Variants in MAN1A2 observed in about 807,000 individuals in gnomAD.
MAN1A2 encodes the protein mannosyl-oligosaccharide 1,2-alpha-mannosidase IB.
A neutral mutation model predicts 75.7 loss-of-function variants in MAN1A2; 26 were observed. The observed-to-expected ratio is 0.34, with a 90% CI of 0.25 to 0.48. The LOEUF is 0.48. Ranked by LOEUF, MAN1A2 falls within the 20% of genes least tolerant of loss-of-function variation. MAN1A2 has a pLI of 0.99. For missense variants in MAN1A2, 562 were observed against 775.5 expected, an observed-to-expected ratio of 0.72 and a Z score of 3.27; for synonymous variants, 247 against 264.6, an observed-to-expected ratio of 0.93 and a Z score of 0.65.
chr1:117,502,928 A>G lies in MAN1A2; in HGVS notation c.1751A>G (p.His584Arg). 2 of 1,607,180 alleles carry G rather than the reference A, an allele frequency of 1.2e-6. No homozygotes were observed. The highest frequency in any genetic ancestry group is 1.1e-5 in the South Asian group (1 of 90,576). The change falls in exon 12 of 13, where the codon CAT (histidine) becomes CGT (arginine). Residue 584 changes from histidine (H) to arginine (R), a missense_variant. Physicochemically the swap from His to Arg is conservative, Grantham distance 29 (BLOSUM62 0). Transcript: ENST00000356554. ...VKDVYSSTPT[H>R]DDVQQSFFLA... ...GATGTATATTCCTCTACTCCTACAC[A>G]TGATGATGTACAGCAGAGCTTTTTT... is the stretch of plus-strand genomic sequence containing the variant.
intron 9 of MAN1A2, 70 bp from the exon 10 acceptor site, chr1:117,496,693 A>G (rs1010456160): frequency 3.6e-6 from 4 of 1,122,356 alleles, no homozygotes; most frequent in African/African-American, 3.1e-5. Context: ...TATAATGGCC[A>G]GAAGGATATA....
chr1:117,417,352 T>C (rs556682608), intron 4 of MAN1A2, among the ~76,000 whole-genome samples: 1 of 151,818 alleles, frequency 6.6e-6, no homozygotes, highest in East Asian at 1.9e-4. Context: ...TTTACTATGA[T>C]AACATATTTG....
intron 7 of MAN1A2, among the ~76,000 whole-genome samples, chr1:117,463,280 C>T (rs1390254756): frequency 6.6e-6 from 1 of 152,022 alleles, no homozygotes; most frequent in Admixed American, 6.6e-5. Flanking sequence ...AGACATAAGT[C>T]TGCTTCCTAC....
chr1:117,416,808 T>C (rs1648008713), intron 4 of MAN1A2, among the ~76,000 whole-genome samples: 1 of 152,138 alleles, frequency 6.6e-6, no homozygotes, highest in South Asian at 2.1e-4. Context: ...GTGTTACTGG[T>C]ACCTCAGGAA....
At chr1:117,439,324 C>G (rs1648950020) in intron 5 of MAN1A2, among the ~76,000 whole-genome samples, 1 of 152,122 alleles carries the variant, frequency 6.6e-6, no homozygotes, top group South Asian at 2.1e-4. Flanking sequence ...CTGTTGACTT[C>G]TATTTAACAC....
At chr1:117,461,314 T>G (rs1276870042) in intron 7 of MAN1A2, among the ~76,000 whole-genome samples, 2 of 152,122 alleles carry the variant, frequency 1.3e-5, no homozygotes, top group Non-Finnish European at 2.9e-5. Flanking sequence ...AAGACACGTA[T>G]TATGTGTTCT....
chr1:117,376,075 CTATTTTTTG>C (rs1653128749), intron 1 of MAN1A2, among the ~76,000 whole-genome samples: 1 of 152,062 alleles, frequency 6.6e-6, no homozygotes, highest in Non-Finnish European at 1.5e-5. Context: ...CCACGCCCGG[CTATTTTTTG>C]TATTTTTTGT....
intron 5 of MAN1A2, among the ~76,000 whole-genome samples, chr1:117,440,465 C>T (rs961525519): frequency 1.3e-5 from 2 of 151,742 alleles, no homozygotes; most frequent in African/African-American, 2.4e-5. Context: ...TTGCAGTTGC[C>T]TACCAAAATA....
At chr1:117,417,689 T>TGC (rs1290804486) in intron 4 of MAN1A2, among the ~76,000 whole-genome samples, 8 of 110,476 alleles carry the variant, frequency 7.2e-5, no homozygotes, top group African/African-American at 1.9e-4. Flanking sequence ...AAAGTAGGCG[T>TGC]GCACACACAC....
At chr1:117,498,589 G>A (rs1651105091) in intron 10 of MAN1A2, among the ~76,000 whole-genome samples, 1 of 151,860 alleles carries the variant, frequency 6.6e-6, no homozygotes, top group African/African-American at 2.4e-5. Context: ...CATTGCTGAT[G>A]CTGATTCTTG....
intron 6 of MAN1A2, among the ~76,000 whole-genome samples, chr1:117,451,828 G>T (rs573251536): frequency 1.3e-5 from 2 of 152,190 alleles, no homozygotes; most frequent in Non-Finnish European, 2.9e-5. Context: ...TATCAGCAGT[G>T]TGAAAATGGA....
At chr1:117,421,041 G>C (rs570750078) in intron 5 of MAN1A2, among the ~76,000 whole-genome samples, 1 of 152,116 alleles carries the variant, frequency 6.6e-6, no homozygotes, top group South Asian at 2.1e-4. Flanking sequence ...CAAACTTACT[G>C]TTTAGAAATT....
chr1:117,470,805 T>C (rs1361869728), intron 8 of MAN1A2, among the ~76,000 whole-genome samples: 1 of 151,994 alleles, frequency 6.6e-6, no homozygotes, highest in Non-Finnish European at 1.5e-5. Context: ...ATCTGTCATA[T>C]TTATAAATAG....
intron 8 of MAN1A2, among the ~76,000 whole-genome samples, chr1:117,484,288 T>A (rs185520063): frequency 3.9e-5 from 6 of 152,026 alleles, no homozygotes; most frequent in Non-Finnish European, 7.4e-5. Context: ...TAAATTTATG[T>A]TGTCTGTTTA....
At chr1:117,377,691 G>A (rs1407409922) in intron 1 of MAN1A2, among the ~76,000 whole-genome samples, 1 of 149,106 alleles carries the variant, frequency 6.7e-6, no homozygotes, top group Admixed American at 6.6e-5. Context: ...GTTTTTTTGT[G>A]TTCGTTTTGT....
intron 6 of MAN1A2, among the ~76,000 whole-genome samples, chr1:117,443,862 A>G (rs764166349): frequency 2.0e-4 from 30 of 151,982 alleles, no homozygotes; most frequent in Non-Finnish European, 3.8e-4. Context: ...CTCCTACCTC[A>G]GTGCTGCGAT....
chr1:117,449,480 G>T (rs1389774300), intron 6 of MAN1A2, among the ~76,000 whole-genome samples: 13 of 150,856 alleles, frequency 8.6e-5, no homozygotes, highest in Admixed American at 8.6e-4. Context: ...GATTGCTTGA[G>T]CCCAGGAAGC....
At chr1:117,386,492 T>C (rs1653528137) in intron 1 of MAN1A2, among the ~76,000 whole-genome samples, 1 of 152,132 alleles carries the variant, frequency 6.6e-6, no homozygotes, top group Admixed American at 6.5e-5. Context: ...TGAATTATCC[T>C]CCTCATAATG....
intron 6 of MAN1A2, among the ~76,000 whole-genome samples, chr1:117,443,026 G>T (rs192460950): frequency 1.4e-4 from 21 of 152,200 alleles, no homozygotes; most frequent in African/African-American, 5.1e-4. Flanking sequence ...AATTTATGCT[G>T]ACTGAAATTT....
Sources: allele counts gnomAD v4.1 joint callset (sites outside exome capture counted in the v4.1 genomes callset), GRCh38; gene constraint gnomAD v4.1.1; transcripts MANE v1.5; gene names NCBI Gene and HGNC (gene_info 2026-07-23, HGNC 2026-07-21).